CADPS2: variants seen among roughly 807,000 people sequenced by gnomAD.
The protein encoded by CADPS2 is calcium dependent secretion activator 2.
A neutral mutation model predicts 172.5 loss-of-function variants in CADPS2; 93 were observed. The observed-to-expected ratio is 0.54, with a 90% CI of 0.46 to 0.64. The LOEUF is 0.64. CADPS2 is among the 30% of genes least tolerant of loss of function. CADPS2 has a pLI of 0.00. For synonymous variants in CADPS2, 546 were observed against 555.2 expected, an observed-to-expected ratio of 0.98 and a Z score of 0.23; for missense variants, 1,420 against 1,565.9, an observed-to-expected ratio of 0.91 and a Z score of 1.57.
Position 122,447,028 on chromosome 7 carries a change from CCTCT to C in CADPS2, c.2288+4342_2288+4345del, listed in dbSNP as rs2052322885. ...GCTCCATCTTGGACATAAGTAGCTCCCTCTTTTTTTTTTTTTTTTTTTTTTTTTT... is the reference window on the plus strand; with the variant it reads ...GCTCCATCTTGGACATAAGTAGCTCCTTTTTTTTTTTTTTTTTTTTTTTTT... On this transcript the variant is annotated intron_variant, in intron 15 of 29. Transcript: ENST00000449022. Among the ~76,000 whole-genome samples the C allele has an allele frequency of 9.8e-5, 13 of 132,054 alleles. No homozygotes were observed. In the South Asian group the frequency reaches 3.1e-3, roughly 31 times the overall value. The allele number at this position is 132,054 out of a possible 152,430, so 86.6% of individuals were successfully genotyped here.
intron 25 of CADPS2, among the ~76,000 whole-genome samples, chr7:122,372,827 T>C (rs756914829): frequency 2.6e-5 from 4 of 152,198 alleles, no homozygotes; most frequent in African/African-American, 4.8e-5. Flanking sequence ...CCCAGAGACG[T>C]AGAATCAGTT....
chr7:122,422,801 A>G (rs2151823495), intron 17 of CADPS2, among the ~76,000 whole-genome samples: 1 of 151,548 alleles, frequency 6.6e-6, no homozygotes, highest in East Asian at 2.0e-4. Flanking sequence ...TTAAAAAAAA[A>G]AAAAAAAAAT....
At chr7:122,726,773 C>CA (rs35290526) in intron 2 of CADPS2, among the ~76,000 whole-genome samples, 6,594 of 129,482 alleles carry the variant, frequency 0.051, 272 homozygotes, top group Non-Finnish European at 0.052. Flanking sequence ...CTTCCTGATA[C>CA]AAAAAAAAAA....
chr7:122,658,551 A>G (rs2135238126), intron 3 of CADPS2, among the ~76,000 whole-genome samples: 1 of 152,362 alleles, frequency 6.6e-6, no homozygotes, highest in Admixed American at 6.5e-5. Context: ...AATACTATGC[A>G]GCCGTAAAAA....
intron 25 of CADPS2, among the ~76,000 whole-genome samples, chr7:122,374,503 CTGTT>C (rs2042122210): frequency 1.3e-5 from 2 of 152,104 alleles, no homozygotes; most frequent in South Asian, 4.1e-4. Flanking sequence ...AAAATTATCT[CTGTT>C]TGCAGATTAC....
chr7:122,803,395 T>G (rs1798060094), intron 1 of CADPS2, among the ~76,000 whole-genome samples: 1 of 152,214 alleles, frequency 6.6e-6, no homozygotes, highest in East Asian at 1.9e-4. Flanking sequence ...ACCCTGCTGC[T>G]GCAAGAGGAA....
At chr7:122,494,385 A>G (rs1314149045) in intron 9 of CADPS2, among the ~76,000 whole-genome samples, 1 of 152,198 alleles carries the variant, frequency 6.6e-6, no homozygotes, top group Non-Finnish European at 1.5e-5. Flanking sequence ...GTTTGGTTAA[A>G]ATATATTATG....
intron 28 of CADPS2, among the ~76,000 whole-genome samples, chr7:122,344,686 A>G (rs2037305338): frequency 6.6e-6 from 1 of 152,208 alleles, no homozygotes. Context: ...AACATCTTAT[A>G]GTAGGGACCA....
rs753743839 is a variant in CADPS2 at position 122,886,050 on chromosome 7, C to A, written c.288G>T (p.Ala96=). The change falls in exon 1 of 30, where the codon GCG becomes GCT. Residue 96 remains alanine, a synonymous_variant. Transcript: ENST00000449022. The part of the protein sequence containing the change: ...QLYVFVVRCI[A]YPFNAKQPTD... ...TGGGCTGCTTGGCGTTGAAGGGGTA[C>A]GCGATGCACCTCACGACGAAGACGT... 8.1e-6 allele frequency: 13 copies of A among 1,607,330 alleles called. No homozygotes were observed. Among genetic ancestry groups the A allele is most frequent in the Non-Finnish European group, 1.0e-5 (12 of 1,177,364 alleles).
At chr7:122,667,997 G>T (rs904721081) in intron 2 of CADPS2, among the ~76,000 whole-genome samples, 7 of 152,098 alleles carry the variant, frequency 4.6e-5, no homozygotes, top group African/African-American at 1.7e-4. Flanking sequence ...GGTAGCCAAG[G>T]TGCTAAAATG....
intron 8 of CADPS2, among the ~76,000 whole-genome samples, chr7:122,536,051 A>G (rs2062233413): frequency 6.6e-6 from 1 of 152,072 alleles, no homozygotes; most frequent in African/African-American, 2.4e-5. Context: ...CCTTATACAA[A>G]TTGCCTTTTG....
chr7:122,568,592 T>A (rs372594960), intron 7 of CADPS2, among the ~76,000 whole-genome samples: 1 of 152,160 alleles, frequency 6.6e-6, no homozygotes, highest in Non-Finnish European at 1.5e-5. Flanking sequence ...AGATGTTAAG[T>A]AAATTCAGTG....
At chr7:122,869,243 A>T (rs1252679104) in intron 1 of CADPS2, among the ~76,000 whole-genome samples, 3 of 152,094 alleles carry the variant, frequency 2.0e-5, no homozygotes, top group Non-Finnish European at 2.9e-5. Flanking sequence ...GACCCACAAT[A>T]AGACACATTA....
At chr7:122,882,940 G>C (rs1168205629) in intron 1 of CADPS2, among the ~76,000 whole-genome samples, 3 of 152,060 alleles carry the variant, frequency 2.0e-5, no homozygotes, top group Non-Finnish European at 2.9e-5. Flanking sequence ...GTAGCACCTG[G>C]AAAGGCACTC....
At chr7:122,444,956 G>A (rs1385273826) in intron 15 of CADPS2, among the ~76,000 whole-genome samples, 3 of 152,090 alleles carry the variant, frequency 2.0e-5, no homozygotes, top group African/African-American at 7.2e-5. Context: ...ATGAATTGAG[G>A]TCAATAGTTT....
chr7:122,597,913 ATT>A (rs35489038), intron 6 of CADPS2, among the ~76,000 whole-genome samples: 6 of 147,418 alleles, frequency 4.1e-5, no homozygotes, highest in African/African-American at 9.9e-5. Context: ...TCTTTTTAAC[ATT>A]TTTTTTTTTT....
At chr7:122,820,556 G>GTTTT (rs551121404) in intron 1 of CADPS2, among the ~76,000 whole-genome samples, 25 of 86,518 alleles carry the variant, frequency 2.9e-4, no homozygotes, top group East Asian at 6.0e-4. Flanking sequence ...TTTGTTTTTT[G>GTTTT]TTTTTTTTTT....
chr7:122,790,467 T>G (rs1265010003), intron 1 of CADPS2, among the ~76,000 whole-genome samples: 1 of 151,680 alleles, frequency 6.6e-6, no homozygotes, highest in Non-Finnish European at 1.5e-5. Flanking sequence ...ATTTTATTAA[T>G]GTTCCTATAA....
In CADPS2 at chr7:122,342,516, C is replaced by T. The variant is rs1053492325; in HGVS notation, c.3612+3058G>A. The stretch of plus-strand genomic sequence containing the variant: ...CTTTTTAACACAGCTGCATCACCTG[C>T]AAAGATTATTTAGTATTACATGCTT... On this transcript the variant is annotated intron_variant, in intron 28 of 29. Coordinates refer to ENST00000449022, the MANE Select transcript of CADPS2 (RefSeq NM_017954.11). Among the ~76,000 whole-genome samples the T allele has an allele frequency of 2.6e-5, 4 of 152,270 alleles. No individual in the cohort carries two copies. In the South Asian group the frequency reaches 8.3e-4, roughly 32 times the overall value.
Sources: gnomAD v4.1 joint callset for allele counts (sites outside exome capture counted in the v4.1 genomes callset) on GRCh38, gnomAD v4.1.1 for gene constraint, MANE v1.5 for transcripts, NCBI Gene and HGNC (gene_info 2026-07-23, HGNC 2026-07-21) for gene names.